The following SEC63 variants were observed in gnomAD, a reference collection of about 807,000 sequenced individuals.
SEC63 encodes the protein SEC63 protein translocation regulator.
In SEC63, 56 loss-of-function variants were observed where a neutral mutation model predicts 116.2. The ratio of observed to expected loss-of-function variants is 0.48; its 90% CI spans 0.39 to 0.60. The LOEUF (loss-of-function observed/expected upper bound fraction) is 0.60, where lower values mean the gene tolerates loss of function less well. Among genes scored for constraint, SEC63 ranks in the 20% least tolerant of loss-of-function variants. The probability of loss-of-function intolerance (pLI) is 0.00; values close to 1 mark genes in which losing one functional copy is unlikely to be tolerated. For missense variants in SEC63, 668 were observed against 900.0 expected (o/e 0.74, Z 3.30); for synonymous variants, 273 against 294.6 (o/e 0.93, Z 0.75).
intron 20 of SEC63, 56 bp downstream of exon 20, chr6:107,872,752 G>A: frequency 9.8e-7 from 1 of 1,017,846 alleles, no homozygotes; most frequent in Non-Finnish European, 1.5e-6. Context: ...TGTTTTCCTA[G>A]TATATTAAAC....
At chr6:107,880,538 G>A (rs549833681) in intron 18 of SEC63, among the ~76,000 whole-genome samples, 1 of 152,160 alleles carries the variant, frequency 6.6e-6, no homozygotes, top group Non-Finnish European at 1.5e-5. Context: ...AAGTAAACAA[G>A]GACAAGGCAA....
At chr6:107,878,684 T>C (rs1468168729) in intron 18 of SEC63, among the ~76,000 whole-genome samples, 4 of 152,126 alleles carry the variant, frequency 2.6e-5, no homozygotes, top group African/African-American at 9.7e-5. Context: ...GGAGAAACCC[T>C]GTCTCTACTA....
chr6:107,908,128 A>G (rs2114452400), intron 8 of SEC63, among the ~76,000 whole-genome samples: 1 of 152,330 alleles, frequency 6.6e-6, no homozygotes, highest in Admixed American at 6.5e-5. Flanking sequence ...GAAAATTAGT[A>G]AAATTGCCAA....
chr6:107,909,376 C>CA (rs960279937), intron 7 of SEC63, among the ~76,000 whole-genome samples: 2,404 of 63,374 alleles, frequency 0.038, 55 homozygotes, highest in African/African-American at 0.11. Flanking sequence ...GACTCTGTCT[C>CA]AAAAAAAAAA....
chr6:107,902,591 A>T (rs1787031923), intron 12 of SEC63, among the ~76,000 whole-genome samples: 1 of 152,196 alleles, frequency 6.6e-6, no homozygotes, highest in Admixed American at 6.5e-5. Flanking sequence ...TAATATAAGG[A>T]ACTAACTGTT....
At chr6:107,956,739 GA>G (rs1388422854) in intron 1 of SEC63, among the ~76,000 whole-genome samples, 14 of 151,986 alleles carry the variant, frequency 9.2e-5, no homozygotes, top group African/African-American at 3.1e-4. Flanking sequence ...GGGCGGGGGG[GA>G]AAAAGAATGT....
Position 107,870,691 on chromosome 6 carries a change from T to G in SEC63, c.*1013A>C, listed in dbSNP as rs1319099993. On this transcript the variant is annotated 3_prime_UTR_variant, in exon 21 of 21. Coordinates refer to ENST00000369002, the MANE Select transcript of SEC63 (RefSeq NM_007214.5). ...GTAATGTACAATACTATTCAATCTTTAGTTGAAAAATAAAGAAGTGGATTG... is the reference window on the plus strand; with the variant it reads ...GTAATGTACAATACTATTCAATCTTGAGTTGAAAAATAAAGAAGTGGATTG... 1 of 152,146 alleles carries G rather than the reference T, an allele frequency of 6.6e-6. No individual in the cohort carries two copies. The highest frequency in any genetic ancestry group is 1.5e-5 in the Non-Finnish European group (1 of 68,026). The allele number at this position is 152,146 out of a possible 1,614,324, so 9.4% of individuals were successfully genotyped here.
At chr6:107,950,030 G>A (rs556520338) in intron 1 of SEC63, among the ~76,000 whole-genome samples, 2 of 152,200 alleles carry the variant, frequency 1.3e-5, no homozygotes, top group African/African-American at 2.4e-5. Context: ...ATCCAACTAC[G>A]TCCATCTACA....
chr6:107,880,216 T>C (rs1353951755), intron 18 of SEC63, among the ~76,000 whole-genome samples: 1 of 152,226 alleles, frequency 6.6e-6, no homozygotes, highest in Admixed American at 6.5e-5. Context: ...ACTCATTTAT[T>C]ACTAAGAGAG....
intron 4 of SEC63, among the ~76,000 whole-genome samples, chr6:107,916,420 G>C (rs1227649904): frequency 1.3e-5 from 2 of 152,238 alleles, no homozygotes; most frequent in Non-Finnish European, 2.9e-5. Context: ...CAAGGGGAGA[G>C]AAGAGACATA....
chr6:107,874,991 T>C lies in SEC63; in HGVS notation c.2034+1573A>G, dbSNP rs534196514. On this transcript the variant is annotated intron_variant, in intron 19 of 20. Transcript: ENST00000369002. ...ATGTTAAATTTCCTGAGTATAATCATTGTAGTAGGCCTATGGAGAAGGTCC... is the reference window on the plus strand; with the variant it reads ...ATGTTAAATTTCCTGAGTATAATCACTGTAGTAGGCCTATGGAGAAGGTCC... 5.1e-4 allele frequency among the ~76,000 whole-genome samples: 78 copies of C among 152,292 alleles called. 2 individuals carry two copies. Among genetic ancestry groups the C allele is most frequent in the African/African-American group, 1.8e-3 (76 of 41,564 alleles).
chr6:107,935,298 A>G (rs1463932553), intron 1 of SEC63, among the ~76,000 whole-genome samples: 2 of 151,728 alleles, frequency 1.3e-5, no homozygotes, highest in Non-Finnish European at 2.9e-5. Flanking sequence ...TGTGCCCAAC[A>G]GCTCACTGAG....
intron 1 of SEC63, among the ~76,000 whole-genome samples, chr6:107,940,028 T>C (rs1389905749): frequency 6.6e-6 from 1 of 152,200 alleles, no homozygotes. Context: ...AGATTACATA[T>C]TGTTCACCAT....
intron 3 of SEC63, among the ~76,000 whole-genome samples, chr6:107,924,306 C>T (rs1425332087): frequency 5.4e-5 from 8 of 148,854 alleles, no homozygotes; most frequent in African/African-American, 2.0e-4. Context: ...CGGCCGGGCG[C>T]GGTGGCTCAC....
Position 107,958,093 on chromosome 6 carries a change from G to C in SEC63, c.-84C>G. ...TCCCGCTCCCAACGCCCCGGCCCGA[G>C]TGGCGTAGCTTGGACACTGCCGCCG... On this transcript the variant is annotated 5_prime_UTR_variant, in exon 1 of 21. Transcript: ENST00000369002. The C allele has an allele frequency of 6.3e-7, 1 of 1,586,626 alleles. No homozygotes were observed. The highest frequency in any genetic ancestry group is 8.6e-7 in the Non-Finnish European group (1 of 1,165,040).
chr6:107,912,213 T>C (rs1303694222), intron 6 of SEC63, among the ~76,000 whole-genome samples: 1 of 152,182 alleles, frequency 6.6e-6, no homozygotes, highest in African/African-American at 2.4e-5. Context: ...CATTTTAGGG[T>C]TGCAGTGATT....
At chr6:107,951,424 T>C (rs1770576376) in intron 1 of SEC63, among the ~76,000 whole-genome samples, 1 of 152,210 alleles carries the variant, frequency 6.6e-6, no homozygotes. Flanking sequence ...TTCTTAGCTA[T>C]GTAAAACAAA....
chr6:107,942,962 G>A (rs567417689), intron 1 of SEC63, among the ~76,000 whole-genome samples: 4 of 151,898 alleles, frequency 2.6e-5, no homozygotes, highest in Admixed American at 6.6e-5. Context: ...TTTCTTCTTC[G>A]GAGCACTTAG....
chr6:107,957,148 G>A (rs1375975446), intron 1 of SEC63: 1 of 152,162 alleles, frequency 6.6e-6, no homozygotes, highest in Non-Finnish European at 1.5e-5. Flanking sequence ...AAAAGACTTA[G>A]AACCAAAAGT....
Sources: gnomAD v4.1 joint callset for allele counts (sites outside exome capture counted in the v4.1 genomes callset) on GRCh38, gnomAD v4.1.1 for gene constraint, MANE v1.5 for transcripts, NCBI Gene and HGNC (gene_info 2026-07-23, HGNC 2026-07-21) for gene names.